CNKSR2: variants seen among roughly 807,000 people sequenced by gnomAD.
CNKSR2 encodes connector enhancer of kinase suppressor of Ras 2.
In CNKSR2, 14 loss-of-function variants were observed where a neutral mutation model predicts 84.4. The ratio of observed to expected loss-of-function variants is 0.17; its 90% CI spans 0.11 to 0.26. The LOEUF (loss-of-function observed/expected upper bound fraction) is 0.26. Among genes scored for constraint, CNKSR2 ranks in the 10% least tolerant of loss-of-function variants. CNKSR2 has a pLI of 1.00. For missense variants in CNKSR2, 485 were observed against 771.2 expected, an observed-to-expected ratio of 0.63 and a Z score of 4.40; for synonymous variants, 275 against 277.9, an observed-to-expected ratio of 0.99 and a Z score of 0.10.
intron 20 of CNKSR2, among the ~76,000 whole-genome samples, chrX:21,620,862 A>G (rs2092598674): frequency 9.0e-6 from 1 of 111,246 alleles, no homozygotes; most frequent in African/African-American, 3.3e-5. Context: ...TTACGAGTTT[A>G]GTGGGCTCCT....
chrX:21,433,471 A>T (rs1052294826), intron 3 of CNKSR2, among the ~76,000 whole-genome samples: 1 of 111,702 alleles, frequency 9.0e-6, no homozygotes, highest in African/African-American at 3.2e-5. Flanking sequence ...ACTGTTTATT[A>T]AAAAACTAAA....
chrX:21,481,820 T>G (rs757048425), intron 5 of CNKSR2, among the ~76,000 whole-genome samples: 1 of 111,114 alleles, frequency 9.0e-6, no homozygotes, highest in Non-Finnish European at 1.9e-5. Flanking sequence ...TTGAGAACAA[T>G]CTCCAGATGA....
At chrX:21,647,943 A>T (rs1374906537) in intron 20 of CNKSR2, among the ~76,000 whole-genome samples, 1 of 111,715 alleles carries the variant, frequency 9.0e-6, no homozygotes, top group East Asian at 2.8e-4. Flanking sequence ...TTTGTTTATC[A>T]TTGTTGAGAA....
intron 1 of CNKSR2, among the ~76,000 whole-genome samples, chrX:21,400,631 G>T: frequency 9.0e-6 from 1 of 110,833 alleles, no homozygotes; most frequent in Non-Finnish European, 1.9e-5. Context: ...AATATTGTAG[G>T]TCTCCTTTTT....
In CNKSR2 at chrX:21,563,307, G is replaced by A; in HGVS notation, c.1463G>A (p.Ser488Asn). Residue 488 changes from serine to asparagine, a missense_variant, in exon 13 of 22, where the codon AGC (serine) becomes AAC (asparagine). Ser to Asn is a conservative substitution (Grantham distance 46). Around this residue, in one of 5 missense-constraint regions of CNKSR2, gnomAD observed 132 missense variants for 166.7 expected, o/e 0.79. Coordinates refer to ENST00000379510, the MANE Select transcript of CNKSR2 (RefSeq NM_014927.5). ...GAAGAATACATGTTTCAGAGAAACA[G>A]CAAAAAGGACACAGGGAAGAAGTCA... ...AQEEYMFQRN[S>N]KKDTGKKSKK... 1 of 1,209,997 alleles carries A rather than the reference G, an allele frequency of 8.3e-7. No homozygotes were observed. Among genetic ancestry groups the A allele is most frequent in the South Asian group, 1.8e-5 (1 of 56,927 alleles).
At chrX:21,547,138 T>A (rs1222879475) in intron 11 of CNKSR2, among the ~76,000 whole-genome samples, 1 of 110,875 alleles carries the variant, frequency 9.0e-6, no homozygotes, top group Non-Finnish European at 1.9e-5. Flanking sequence ...ACTGGCAAAT[T>A]GGATAAAGAG....
At chrX:21,581,684 G>C (rs1265224525) in intron 13 of CNKSR2, among the ~76,000 whole-genome samples, 2 of 112,051 alleles carry the variant, frequency 1.8e-5, no homozygotes, top group Admixed American at 1.9e-4. Flanking sequence ...ATGAATCATA[G>C]CCCATACCTC....
chrX:21,376,772 A>T (rs757505322), intron 1 of CNKSR2, among the ~76,000 whole-genome samples: 33 of 111,971 alleles, frequency 2.9e-4, no homozygotes, highest in Non-Finnish European at 5.1e-4. Flanking sequence ...GAGTCTGATT[A>T]CCTTCATAGA....
At chrX:21,555,867 G>A (rs902218582) in intron 11 of CNKSR2, among the ~76,000 whole-genome samples, 12 of 110,816 alleles carry the variant, frequency 1.1e-4, no homozygotes, top group Admixed American at 8.7e-4. Flanking sequence ...TGACTTTAGC[G>A]TGCTTTTAGA....
At chrX:21,469,607 T>C (rs2091172322) in intron 4 of CNKSR2, among the ~76,000 whole-genome samples, 1 of 111,205 alleles carries the variant, frequency 9.0e-6, no homozygotes, top group African/African-American at 3.3e-5. Context: ...TAAAGTTAGT[T>C]TTTTAAAGTT....
At position 21,451,845 on chromosome X, in the gene CNKSR2, T is replaced by C. The variant is rs189501599; in HGVS notation, c.519+11064T>C. ...CACGTGTACCCTAAAACTTAAAGTA[T>C]AATAATAATAAAATAAAATAAAAAG... On this transcript the variant is annotated intron_variant, in intron 4 of 21. Transcript: ENST00000379510. Among the ~76,000 whole-genome samples, 610 of 110,370 alleles carry C rather than the reference T, an allele frequency of 5.5e-3. 1 individual carries two copies. The highest frequency in any genetic ancestry group is 9.2e-3 in the Non-Finnish European group (484 of 52,756).
At chrX:21,568,048 G>A (rs1361355868) in intron 13 of CNKSR2, among the ~76,000 whole-genome samples, 1 of 111,698 alleles carries the variant, frequency 9.0e-6, no homozygotes, top group Non-Finnish European at 1.9e-5. Flanking sequence ...AGCACTTTGG[G>A]AGGCCAAGGC....
intron 6 of CNKSR2, 100 bp from the exon 7 acceptor site, chrX:21,497,687 T>A (rs2091515044): frequency 2.0e-6 from 1 of 498,588 alleles, no homozygotes; most frequent in East Asian, 3.6e-5. Context: ...GTGTGGCAGT[T>A]TTAATTTGAT....
intron 11 of CNKSR2, among the ~76,000 whole-genome samples, chrX:21,555,443 A>G (rs190211920): frequency 9.0e-6 from 1 of 111,381 alleles, no homozygotes; most frequent in East Asian, 2.8e-4. Context: ...CTGGATCCAG[A>G]TATGTTACCA....
chrX:21,624,518 G>GT (rs201159239), intron 20 of CNKSR2, among the ~76,000 whole-genome samples: 1,403 of 109,017 alleles, frequency 0.013, 17 homozygotes, highest in African/African-American at 0.041. Context: ...TTGTTTTTTT[G>GT]TTTTTTTTTG....
chrX:21,402,278 C>A (rs948170102), intron 1 of CNKSR2, among the ~76,000 whole-genome samples: 2 of 110,625 alleles, frequency 1.8e-5, no homozygotes, highest in Non-Finnish European at 1.9e-5. Flanking sequence ...CTTTATAACA[C>A]CCCTATTTTT....
intron 17 of CNKSR2, among the ~76,000 whole-genome samples, chrX:21,597,107 C>T (rs1448799267): frequency 9.0e-6 from 1 of 111,585 alleles, no homozygotes; most frequent in Non-Finnish European, 1.9e-5. Flanking sequence ...CAGCCAACTC[C>T]AAGAATTAAT....
intron 13 of CNKSR2, among the ~76,000 whole-genome samples, chrX:21,572,025 T>A (rs1487511565): frequency 8.9e-6 from 1 of 112,529 alleles, no homozygotes; most frequent in Non-Finnish European, 1.9e-5. Flanking sequence ...CATTTAGACA[T>A]GTTAGAGTAC....
intron 13 of CNKSR2, among the ~76,000 whole-genome samples, chrX:21,582,768 G>A (rs1056372452): frequency 9.0e-6 from 1 of 111,660 alleles, no homozygotes; most frequent in Non-Finnish European, 1.9e-5. Flanking sequence ...GCTAAGGATG[G>A]CAGTTCTTAT....
Sources: gnomAD v4.1 joint callset for allele counts (sites outside exome capture counted in the v4.1 genomes callset) on GRCh38, gnomAD v4.1.1 for gene constraint, gnomAD v4.1.1 regional missense constraint, MANE v1.5 for transcripts, NCBI Gene and HGNC (gene_info 2026-07-23, HGNC 2026-07-21) for gene names.